SLC44A4: variants seen among roughly 807,000 people sequenced by gnomAD.
SLC44A4 encodes solute carrier family 44 member 4.
SLC44A4 carries 74 observed loss-of-function variants against 97.0 expected under a neutral mutation model. The ratio of observed to expected loss-of-function variants is 0.76; its 90% CI spans 0.63 to 0.93. The LOEUF is 0.93. SLC44A4 is among the 40% of genes least tolerant of loss of function. The probability of loss-of-function intolerance (pLI) is 0.00; values close to 1 mark genes in which losing one functional copy is unlikely to be tolerated. For missense variants in SLC44A4, 799 were observed against 902.9 expected (o/e 0.88, Z 1.48); for synonymous variants, 325 against 363.8 (o/e 0.89, Z 1.21).
At chr6:31,867,888 G>C (rs1762950880) in intron 13 of SLC44A4, among the ~76,000 whole-genome samples, 1 of 147,770 alleles carries the variant, frequency 6.8e-6, no homozygotes, top group African/African-American at 2.5e-5. Context: ...CGCGATCTCA[G>C]CTCACTGCAA....
At position 31,865,415 on chromosome 6, in the gene SLC44A4, A is replaced by C; in HGVS notation, c.1687-27T>G. ...TGAGGGAGGTGGAAAGGTCAGAGTT[A>C]CCAAGGCGAGCTGCCTGGACCAGGA... On this transcript the variant is annotated intron_variant, in intron 16 of 20. Coordinates refer to ENST00000229729, the MANE Select transcript of SLC44A4 (RefSeq NM_025257.3). The surrounding 1 kb of genome is among the most constrained non-coding windows in gnomAD (Gnocchi z 5.2). The C allele has an allele frequency of 1.2e-6, 2 of 1,613,876 alleles. No individual in the cohort carries two copies. The highest frequency in any genetic ancestry group is 1.7e-6 in the Non-Finnish European group (2 of 1,179,810).
In SLC44A4 at chr6:31,874,850, G is replaced by A; in HGVS notation, c.343-4C>T. ...CCGGGCAGGAGGACACACACACCTG[G>A]GTGCAGAGAGAACACTAAGGGGCTG... On this transcript the variant is annotated splice_region_variant and splice_polypyrimidine_tract_variant and intron_variant, in intron 5 of 20. Coordinates refer to ENST00000229729, the MANE Select transcript of SLC44A4 (RefSeq NM_025257.3). The surrounding 1 kb of genome is among the most constrained non-coding windows in gnomAD (Gnocchi z 4.8). The A allele has an allele frequency of 6.2e-7, 1 of 1,612,494 alleles. No homozygotes were observed. Among genetic ancestry groups the A allele is most frequent in the Non-Finnish European group, 8.5e-7 (1 of 1,179,230 alleles).
chr6:31,875,876 G>A lies in SLC44A4; in HGVS notation c.218C>T (p.Ala73Val), dbSNP rs748309915. Residue 73 changes from alanine to valine, a missense_variant, in exon 4 of 21, where the codon GCC becomes GTC. Physicochemically the swap from Ala to Val is moderately conservative, Grantham distance 64. Transcript: ENST00000229729. ...QVLYPRNSTG[A>V]YCGMGENKDK... ...CTTGTTCTCCCCCATGCCACAGTAG[G>A]CCCCAGTAGAGTTCCTGGGGTAGAG... 6.2e-7 allele frequency: 1 copy of A among 1,612,354 alleles called. No individual in the cohort carries two copies. The highest frequency in any genetic ancestry group is 1.7e-5 in the Admixed American group (1 of 59,890).
At chr6:31,873,859 AGTTAG>A (rs1763303555) in intron 7 of SLC44A4, among the ~76,000 whole-genome samples, 1 of 152,026 alleles carries the variant, frequency 6.6e-6, no homozygotes, top group African/African-American at 2.4e-5. Context: ...TGGATCACGA[AGTTAG>A]GAGTTCAAGA....
At chr6:31,871,876 A>T (rs549053617) in intron 7 of SLC44A4, among the ~76,000 whole-genome samples, 1 of 151,980 alleles carries the variant, frequency 6.6e-6, no homozygotes, top group African/African-American at 2.4e-5. Context: ...CCTGGACTTC[A>T]TCACTCCAGG....
At position 31,863,451 on chromosome 6, in the gene SLC44A4, T is replaced by C; in HGVS notation, c.*176A>G. The C allele has an allele frequency of 2.3e-6, 2 of 855,870 alleles. No homozygotes were observed. The highest frequency in any genetic ancestry group is 3.2e-5 in the East Asian group (1 of 31,058). The allele number at this position is 855,870 out of a possible 1,614,324, so 53.0% of individuals were successfully genotyped here. A position where few individuals can be genotyped will look rare whatever the true frequency, so the allele number is the denominator to read the frequency against. ...CATGTTGGCCAGGCTGGTCTCGAAC[T>C]CCTGACTCAGGTGATCCGCCCGCCT... On this transcript the variant is annotated 3_prime_UTR_variant, in exon 21 of 21. Transcript: ENST00000229729.
At chr6:31,872,156 G>A (rs1763212040) in intron 7 of SLC44A4, among the ~76,000 whole-genome samples, 1 of 152,156 alleles carries the variant, frequency 6.6e-6, no homozygotes, top group African/African-American at 2.4e-5. Flanking sequence ...ACTGTTATGT[G>A]CCTACAGAGC....
At chr6:31,867,547 T>G (rs1366294048) in intron 13 of SLC44A4, among the ~76,000 whole-genome samples, 1 of 151,548 alleles carries the variant, frequency 6.6e-6, no homozygotes, top group Non-Finnish European at 1.5e-5. Context: ...CTGGGCAACA[T>G]AGTGAAACGC....
intron 13 of SLC44A4, among the ~76,000 whole-genome samples, chr6:31,866,621 G>A (rs613165): frequency 0.23 from 34,908 of 151,938 alleles, 4,524 homozygotes; most frequent in African/African-American, 0.32. Flanking sequence ...AGGCGGGTGC[G>A]GTGGCTTATG....
At position 31,877,392 on chromosome 6, in the gene SLC44A4, G is replaced by T. The variant is rs1763504554; in HGVS notation, c.41-310C>A. Among the ~76,000 whole-genome samples the T allele has an allele frequency of 6.6e-6, 1 of 152,064 alleles. No homozygotes were observed. Among genetic ancestry groups the T allele is most frequent in the Non-Finnish European group, 1.5e-5 (1 of 67,994 alleles). ...GGCCTTGGTCCCCTGCCCTACCCTG[G>T]CACGGTTCTCCTGAGTCTCCCTTTA... On this transcript the variant is annotated intron_variant, in intron 1 of 20. Coordinates refer to ENST00000229729, the MANE Select transcript of SLC44A4 (RefSeq NM_025257.3). This position sits in a 1 kb window ranked among gnomAD's most constrained non-coding sequence, Gnocchi z 6.5.
At chr6:31,869,815 C>T (rs1046913449) in intron 11 of SLC44A4, among the ~76,000 whole-genome samples, 178 bp from the exon 12 acceptor site, 1 of 152,178 alleles carries the variant, frequency 6.6e-6, no homozygotes, top group African/African-American at 2.4e-5. Context: ...GAAACCCCAT[C>T]TCTACTAAAA....
At position 31,865,565 on chromosome 6, in the gene SLC44A4, C is replaced by T; in HGVS notation, c.1619G>A (p.Cys540Tyr). 1 of 1,599,020 alleles carries T rather than the reference C, an allele frequency of 6.3e-7. No homozygotes were observed. The highest frequency in any genetic ancestry group is 8.5e-7 in the Non-Finnish European group (1 of 1,169,710). The stretch of plus-strand genomic sequence containing the variant: ...CAGACACCAGAGGCAGCACTTGAAA[C>T]AGCACATGATGCAGCGGGCTACAGG... ...QNPVARCIMC[C>Y]FKCCLWCLEK... Residue 540 changes from cysteine to tyrosine, a missense_variant, in exon 16 of 21, where the codon TGT (cysteine) becomes TAT (tyrosine). Cys to Tyr is a radical substitution (Grantham distance 194). This residue lies in a region of SLC44A4 where 379 missense variants were observed against 438.3 expected (regional missense o/e 0.86). Coordinates refer to ENST00000229729, the MANE Select transcript of SLC44A4 (RefSeq NM_025257.3). The surrounding 1 kb of genome is among the most constrained non-coding windows in gnomAD (Gnocchi z 5.2).
At chr6:31,875,195 C>T (rs1477008853) in intron 4 of SLC44A4, among the ~76,000 whole-genome samples, 167 bp from the exon 5 acceptor site, 1 of 152,134 alleles carries the variant, frequency 6.6e-6, no homozygotes, top group Non-Finnish European at 1.5e-5. Flanking sequence ...TAGGGAGATG[C>T]CTAGAAGATC....
Position 31,877,157 on chromosome 6 carries a change from C to A in SLC44A4, c.41-75G>T. The A allele has an allele frequency of 6.8e-7, 1 of 1,477,086 alleles. No individual in the cohort carries two copies. The allele number at this position is 1,477,086 out of a possible 1,614,324, so 91.5% of individuals were successfully genotyped here. A position where few individuals can be genotyped will look rare whatever the true frequency, so the allele number is the denominator to read the frequency against. ...TTGTCCTGCTGAGTCCTCCTAGCCC[C>A]AGGATCCTACCCAGGCCTCAGGTGT... On this transcript the variant is annotated intron_variant, in intron 1 of 20. Coordinates refer to ENST00000229729, the MANE Select transcript of SLC44A4 (RefSeq NM_025257.3). The surrounding 1 kb of genome is among the most constrained non-coding windows in gnomAD (Gnocchi z 6.5).
chr6:31,865,754 G>A lies in SLC44A4; in HGVS notation c.1518C>T (p.Ala506=), dbSNP rs1426255436. The change falls in exon 15 of 21, where the codon GCC becomes GCT. Residue 506 remains alanine (A), a synonymous_variant. Transcript: ENST00000229729. The surrounding 1 kb of genome is among the most constrained non-coding windows in gnomAD (Gnocchi z 5.2). The part of the protein sequence containing the change: ...RYHTGSLAFG[A]LILTLVQIAR... ...CTATCTGCACAAGGGTCAGGATGAG[G>A]GCTCCAAATGCCAATGACCCAGTGT... 1 of 1,613,770 alleles carries A rather than the reference G, an allele frequency of 6.2e-7. No individual in the cohort carries two copies. Among genetic ancestry groups the A allele is most frequent in the Non-Finnish European group, 8.5e-7 (1 of 1,179,950 alleles).
rs903014969 is a variant in SLC44A4, at chr6:31,871,414, G to T, written c.618-17C>A. ...ATAAGACCGCTGTTGGGGAGACAGAGTCAGATGGGGCTGTGGGTGGAAGGG... is the reference window on the plus strand; with the variant it reads ...ATAAGACCGCTGTTGGGGAGACAGATTCAGATGGGGCTGTGGGTGGAAGGG... On this transcript the variant is annotated splice_polypyrimidine_tract_variant and intron_variant, in intron 8 of 20. Coordinates refer to ENST00000229729, the MANE Select transcript of SLC44A4 (RefSeq NM_025257.3). 1.1e-5 allele frequency: 17 copies of T among 1,613,920 alleles called. No homozygotes were observed. Among genetic ancestry groups the T allele is most frequent in the Non-Finnish European group, 1.4e-5 (16 of 1,179,770 alleles).
chr6:31,877,532 C>A lies in SLC44A4; in HGVS notation c.41-450G>T, dbSNP rs557617166. ...CAGCCCCTCAGGGAGGTCATGGCCT[C>A]TTCCCCTATCTGCCCCAGGCCCTAC... On this transcript the variant is annotated intron_variant, in intron 1 of 20. Coordinates refer to ENST00000229729, the MANE Select transcript of SLC44A4 (RefSeq NM_025257.3). The surrounding 1 kb of genome is among the most constrained non-coding windows in gnomAD (Gnocchi z 6.5). 18 of 931,928 alleles carry A rather than the reference C, an allele frequency of 1.9e-5. No individual in the cohort carries two copies. The South Asian group carries it at 7.2e-4, about 37-fold the overall frequency. 57.7% of individuals were successfully genotyped at this position (931,928 alleles called of 1,614,324 possible).
Position 31,865,749 on chromosome 6 carries a change from A to G in SLC44A4, c.1523T>C (p.Ile508Thr), listed in dbSNP as rs777600835. The stretch of plus-strand genomic sequence containing the variant: ...CCGGGCTATCTGCACAAGGGTCAGG[A>G]TGAGGGCTCCAAATGCCAATGACCC... ...HTGSLAFGAL[I>T]LTLVQIARVI... The change falls in exon 15 of 21, where the codon ATC becomes ACC. Residue 508 changes from isoleucine (I) to threonine (T), a missense_variant. Around this residue, in one of 3 missense-constraint regions of SLC44A4, gnomAD observed 379 missense variants for 438.3 expected, o/e 0.86. Coordinates refer to ENST00000229729, the MANE Select transcript of SLC44A4 (RefSeq NM_025257.3). The surrounding 1 kb of genome is among the most constrained non-coding windows in gnomAD (Gnocchi z 5.2). The G allele has an allele frequency of 6.2e-7, 1 of 1,613,768 alleles. No individual in the cohort carries two copies. The highest frequency in any genetic ancestry group is 2.2e-5 in the East Asian group (1 of 44,872).
intron 7 of SLC44A4, among the ~76,000 whole-genome samples, chr6:31,873,988 G>A (rs1397921857): frequency 6.6e-6 from 1 of 152,040 alleles, no homozygotes; most frequent in Admixed American, 6.6e-5. Flanking sequence ...CGGGCACCAT[G>A]TGCTGTAATT....
Sources: gnomAD v4.1 joint callset for allele counts (sites outside exome capture counted in the v4.1 genomes callset) on GRCh38, gnomAD v4.1.1 for gene constraint, gnomAD v4.1.1 regional missense constraint, Gnocchi (gnomAD v3.1) non-coding constraint, MANE v1.5 for transcripts, NCBI Gene and HGNC (gene_info 2026-07-23, HGNC 2026-07-21) for gene names.